NVL: variants seen among roughly 807,000 people sequenced by gnomAD.
The protein encoded by NVL is nuclear VCP like.
NVL carries 84 observed loss-of-function variants against 110.2 expected under a neutral mutation model. That is an observed-to-expected ratio of 0.76 (90% CI 0.64 to 0.91). NVL has a LOEUF of 0.91. Among genes scored for constraint, NVL ranks in the 40% least tolerant of loss-of-function variants. NVL has a pLI of 0.00. For synonymous variants in NVL, 354 were observed against 361.1 expected (o/e 0.98, Z 0.22); for missense variants, 882 against 1,035.9 (o/e 0.85, Z 2.04).
At chr1:224,295,321 T>A (rs1667770802) in intron 11 of NVL, among the ~76,000 whole-genome samples, 1 of 151,934 alleles carries the variant, frequency 6.6e-6, no homozygotes, top group African/African-American at 2.4e-5. Flanking sequence ...GCCTCCCGAG[T>A]ACCTGGGACT....
intron 2 of NVL, among the ~76,000 whole-genome samples, chr1:224,323,246 G>T (rs1368415499): frequency 1.3e-5 from 2 of 152,144 alleles, no homozygotes; most frequent in African/African-American, 4.8e-5. Flanking sequence ...CAAGCAAAGT[G>T]TTGAAGTGTG....
At chr1:224,304,243 G>C (rs1273085940) in intron 8 of NVL, among the ~76,000 whole-genome samples, 1 of 152,088 alleles carries the variant, frequency 6.6e-6, no homozygotes, top group African/African-American at 2.4e-5. Context: ...TGGCCAACAT[G>C]GTGAAGCCCT....
At chr1:224,255,576 T>C (rs967623163) in intron 18 of NVL, among the ~76,000 whole-genome samples, 1 of 152,214 alleles carries the variant, frequency 6.6e-6, no homozygotes, top group African/African-American at 2.4e-5. Context: ...TTATATTCTC[T>C]TATTTGCATT....
Position 224,231,276 on chromosome 1 carries a change from T to A in NVL, c.2476A>T (p.Lys826Ter). 1 of 1,612,664 alleles carries A rather than the reference T, an allele frequency of 6.2e-7. No individual in the cohort carries two copies. Among genetic ancestry groups the A allele is most frequent in the Non-Finnish European group, 8.5e-7 (1 of 1,179,562 alleles). The change falls in exon 22 of 23, where the codon AAG (lysine) becomes TAG (stop). Residue 826 changes from lysine (K) to a stop codon, truncating the protein, a stop_gained. Coordinates refer to ENST00000281701, the MANE Select transcript of NVL (RefSeq NM_002533.4). LOFTEE classifies it high-confidence loss of function. ...NEKGELKVSHKHFEEAFKKVR... is the reference protein window; with the variant it reads ...NEKGELKVSH ...TTCTTGAAAGCTTCTTCAAAATGCT[T>A]ATGACTAACCTTGAGTTCACCTATG...
At chr1:224,289,353 A>G (rs1434022753) in intron 13 of NVL, 131 bp downstream of exon 13, 7 of 803,104 alleles carry the variant, frequency 8.7e-6, no homozygotes, top group Non-Finnish European at 1.3e-5. Context: ...GGTATAAATG[A>G]TAAGTATTCT....
chr1:224,300,126 G>C lies in NVL; in HGVS notation c.1062+436C>G, dbSNP rs149138279. Among the ~76,000 whole-genome samples the C allele has an allele frequency of 4.7e-3, 719 of 152,160 alleles. 4 individuals carry two copies. Among genetic ancestry groups the C allele is most frequent in the African/African-American group, 0.016 (677 of 41,500 alleles). ...CACGTGAGATTTGGGTATTATTATT[G>C]CCCTAGTTTACTAGTAAGGAATGAC... On this transcript the variant is annotated intron_variant, in intron 10 of 22. Transcript: ENST00000281701.
intron 9 of NVL, chr1:224,301,657 A>G: frequency 2.9e-6 from 1 of 346,210 alleles, no homozygotes; most frequent in Admixed American, 4.1e-5. Flanking sequence ...TAAATTAGCC[A>G]GGCATGCTGA....
chr1:224,285,848 G>A (rs1462499229), intron 15 of NVL, among the ~76,000 whole-genome samples, 178 bp downstream of exon 15: 13 of 152,134 alleles, frequency 8.5e-5, no homozygotes, highest in African/African-American at 3.1e-4. Flanking sequence ...TCAATCATGT[G>A]CCTTTGTAAT....
chr1:224,229,882 A>AG (rs762590391), intron 22 of NVL, among the ~76,000 whole-genome samples: 3 of 152,108 alleles, frequency 2.0e-5, no homozygotes, highest in Non-Finnish European at 2.9e-5. Flanking sequence ...CCGAGGCTGG[A>AG]GTACAATGGT....
chr1:224,300,091 T>C (rs1374133823), intron 10 of NVL, among the ~76,000 whole-genome samples: 1 of 152,228 alleles, frequency 6.6e-6, no homozygotes, highest in Non-Finnish European at 1.5e-5. Context: ...CATTTAATAC[T>C]CTCAATAGCC....
chr1:224,246,922 C>T (rs1305378194), intron 19 of NVL, among the ~76,000 whole-genome samples: 8 of 151,902 alleles, frequency 5.3e-5, no homozygotes, highest in Non-Finnish European at 8.8e-5. Context: ...GCACCTGTGG[C>T]CCCAGCTGCG....
chr1:224,320,126 T>C (rs746763445), intron 2 of NVL, among the ~76,000 whole-genome samples: 48 of 152,170 alleles, frequency 3.2e-4, no homozygotes, highest in Non-Finnish European at 1.9e-4. Flanking sequence ...AAAATTCCGA[T>C]AAAATAATAG....
At chr1:224,308,690 CAAAAAAAAA>C (rs544159510) in intron 5 of NVL, among the ~76,000 whole-genome samples, 2 of 61,924 alleles carry the variant, frequency 3.2e-5, no homozygotes, top group East Asian at 4.6e-4. Context: ...GACTCCATCT[CAAAAAAAAA>C]AAAAAAAAGA....
At chr1:224,287,667 TTA>T in intron 14 of NVL, 106 bp downstream of exon 14, 1 of 802,370 alleles carries the variant, frequency 1.2e-6, no homozygotes, top group Non-Finnish European at 2.0e-6. Context: ...GACACAGTGA[TTA>T]TAGTCAAGTC....
At chr1:224,277,262 T>G (rs1199180151) in intron 16 of NVL, among the ~76,000 whole-genome samples, 1 of 152,224 alleles carries the variant, frequency 6.6e-6, no homozygotes, top group Non-Finnish European at 1.5e-5. Flanking sequence ...CATAACATCC[T>G]GCACAGTGTA....
intron 18 of NVL, among the ~76,000 whole-genome samples, chr1:224,267,780 C>A (rs1240705279): frequency 6.6e-6 from 1 of 151,776 alleles, no homozygotes; most frequent in Non-Finnish European, 1.5e-5. Flanking sequence ...TCATGGGATC[C>A]AAGCAGTAAT....
chr1:224,300,011 T>C (rs145285774), intron 10 of NVL, among the ~76,000 whole-genome samples: 9 of 152,358 alleles, frequency 5.9e-5, no homozygotes, highest in Non-Finnish European at 8.8e-5. Flanking sequence ...GTGAATAATC[T>C]TACAGCTAAT....
At chr1:224,301,888 C>T (rs952819561) in intron 9 of NVL, 1 of 161,642 alleles carries the variant, frequency 6.2e-6, no homozygotes. Context: ...CTCAACCATA[C>T]CTTCCTTGAA....
chr1:224,325,707 T>C (rs1464998551), intron 2 of NVL, among the ~76,000 whole-genome samples: 2 of 152,210 alleles, frequency 1.3e-5, no homozygotes, highest in African/African-American at 4.8e-5. Context: ...CACTCCAGCC[T>C]GGGCAACAAG....
Sources: gnomAD v4.1 joint callset for allele counts (sites outside exome capture counted in the v4.1 genomes callset) on GRCh38, gnomAD v4.1.1 for gene constraint, MANE v1.5 for transcripts, NCBI Gene and HGNC (gene_info 2026-07-23, HGNC 2026-07-21) for gene names.